Variants in THOC2 observed in about 807,000 individuals in gnomAD.
THOC2 encodes the protein THO complex subunit 2.
In THOC2, 10 loss-of-function variants were observed where a neutral mutation model predicts 128.4. The observed-to-expected ratio is 0.08, with a 90% CI of 0.05 to 0.13. The LOEUF (loss-of-function observed/expected upper bound fraction) is 0.13. THOC2 is among the 10% of genes least tolerant of loss of function. THOC2 has a pLI of 1.00. For missense variants in THOC2, 535 were observed against 1,155.7 expected (o/e 0.46, Z 7.79); for synonymous variants, 393 against 396.9 (o/e 0.99, Z 0.12).
At chrX:123,691,940 AGCTGTTTTTAC>A (rs1048481545) in intron 7 of THOC2, among the ~76,000 whole-genome samples, 6 of 112,014 alleles carry the variant, frequency 5.4e-5, no homozygotes, top group African/African-American at 1.6e-4. Flanking sequence ...TACTATCTAT[AGCTGTTTTTAC>A]GCTGTTTTTA....
intron 33 of THOC2, among the ~76,000 whole-genome samples, chrX:123,616,681 T>G (rs1485110285): frequency 2.7e-5 from 3 of 109,231 alleles, no homozygotes; most frequent in Non-Finnish European, 5.8e-5. Flanking sequence ...TTGTTTTTTT[T>G]TTTTTAACAC....
intron 2 of THOC2, among the ~76,000 whole-genome samples, chrX:123,711,096 A>G (rs1405351101): frequency 9.8e-6 from 1 of 101,626 alleles, no homozygotes; most frequent in Non-Finnish European, 2.0e-5. Flanking sequence ...TTGGCTCACT[A>G]CAGCCTCTGC....
intron 38 of THOC2, among the ~76,000 whole-genome samples, chrX:123,606,437 C>A (rs1009374146): frequency 2.7e-5 from 3 of 109,933 alleles, no homozygotes; most frequent in Non-Finnish European, 5.7e-5. Context: ...ACTGAAAATA[C>A]AAAAAAATTA....
At position 123,610,829 on chromosome X, in the gene THOC2, G is replaced by A. The variant is rs1452137780; in HGVS notation, c.*18+89C>T. On this transcript the variant is annotated intron_variant, in intron 38 of 38. Coordinates refer to ENST00000245838, the MANE Select transcript of THOC2 (RefSeq NM_001081550.2). ...TAGGTGAAAAAAACAAGTAGTTGTAGCTTGTAAAATGCATCTAGTTTTTCA... is the reference window on the plus strand; with the variant it reads ...TAGGTGAAAAAAACAAGTAGTTGTAACTTGTAAAATGCATCTAGTTTTTCA... 4 of 808,650 alleles carry A rather than the reference G, an allele frequency of 4.9e-6. No homozygotes were observed. In the African/African-American group the frequency reaches 6.4e-5, roughly 13 times the overall value. The allele number at this position is 808,650 out of a possible 1,213,427, so 66.6% of individuals were successfully genotyped here.
At chrX:123,672,902 G>A (rs183805924) in intron 8 of THOC2, among the ~76,000 whole-genome samples, 14 of 112,428 alleles carry the variant, frequency 1.2e-4, no homozygotes, top group Non-Finnish European at 1.9e-4. Context: ...TTGTATGTGA[G>A]GTTCCTCCCA....
chrX:123,631,255 G>A (rs998320521), intron 22 of THOC2, among the ~76,000 whole-genome samples: 8 of 112,135 alleles, frequency 7.1e-5, no homozygotes, highest in South Asian at 3.8e-4. Context: ...ACAGTAAGAC[G>A]TTACACAAAG....
At chrX:123,691,829 T>G (rs1477726912) in intron 7 of THOC2, among the ~76,000 whole-genome samples, 1 of 112,667 alleles carries the variant, frequency 8.9e-6, no homozygotes, top group East Asian at 2.8e-4. Flanking sequence ...AACTTTTGAT[T>G]TAGAGCAAGA....
chrX:123,698,624 T>C (rs867614292), intron 4 of THOC2, among the ~76,000 whole-genome samples: 11 of 108,776 alleles, frequency 1.0e-4, no homozygotes, highest in Admixed American at 2.0e-4. Context: ...CCTGTAATCC[T>C]AGCACTTTGG....
At chrX:123,726,870 T>A (rs2089206262) in intron 1 of THOC2, among the ~76,000 whole-genome samples, 1 of 111,900 alleles carries the variant, frequency 8.9e-6, no homozygotes, top group Admixed American at 9.5e-5. Context: ...GCAATTTGTT[T>A]GCATAATAGA....
At chrX:123,730,189 T>G (rs1218034892) in intron 1 of THOC2, among the ~76,000 whole-genome samples, 2 of 110,734 alleles carry the variant, frequency 1.8e-5, no homozygotes, top group African/African-American at 6.6e-5. Context: ...TTTGTTTTTT[T>G]TTTTTTTTTA....
At chrX:123,719,297 T>A (rs777806676) in intron 1 of THOC2, among the ~76,000 whole-genome samples, 1 of 110,362 alleles carries the variant, frequency 9.1e-6, no homozygotes, top group Admixed American at 9.7e-5. Flanking sequence ...TCAAAATCAT[T>A]AATAACTAGG....
At chrX:123,716,541 C>T (rs188601422) in intron 1 of THOC2, among the ~76,000 whole-genome samples, 6 of 110,343 alleles carry the variant, frequency 5.4e-5, no homozygotes, top group Admixed American at 9.7e-5. Flanking sequence ...CTGGCTAACA[C>T]GGTGAATCTC....
intron 12 of THOC2, among the ~76,000 whole-genome samples, chrX:123,656,350 AAAAG>A (rs2048578482): frequency 9.6e-6 from 1 of 103,899 alleles, no homozygotes; most frequent in Non-Finnish European, 2.0e-5. Flanking sequence ...AAAAAAAAAA[AAAAG>A]AGAGAGAGAG....
At position 123,621,505 on chromosome X, in the gene THOC2, G is replaced by T. The variant is rs772379634; in HGVS notation, c.3868C>A (p.Pro1290Thr). The T allele has an allele frequency of 1.9e-5, 23 of 1,203,725 alleles. No homozygotes were observed. In the Admixed American group the frequency reaches 4.0e-4, roughly 21 times the overall value. Residue 1290 changes from proline (P) to threonine (T), a missense_variant, in exon 31 of 39, where the codon CCA becomes ACA. This residue lies in a region of THOC2 where 116 missense variants were observed against 180.0 expected (regional missense o/e 0.64). Transcript: ENST00000245838. ...EKKEKTPATT[P>T]EARVLGKDGK... ...TCTTTACCAAGTACCCTGGCCTCTG[G>T]AGTAGTAGCTGGAGTCTTTTCTTTT...
At chrX:123,721,166 T>G (rs943461855) in intron 1 of THOC2, among the ~76,000 whole-genome samples, 30 of 109,631 alleles carry the variant, frequency 2.7e-4, no homozygotes, top group East Asian at 5.8e-4. Flanking sequence ...TTGTTGCTGG[T>G]TTTTTTTGTT....
chrX:123,702,294 GAATAT>G (rs1191046020), intron 4 of THOC2, among the ~76,000 whole-genome samples: 15 of 109,282 alleles, frequency 1.4e-4, no homozygotes, highest in Admixed American at 4.0e-4. Context: ...TAAATAAAAT[GAATAT>G]AATAATGTTT....
At chrX:123,710,717 C>T (rs957338824) in intron 2 of THOC2, among the ~76,000 whole-genome samples, 9 of 109,832 alleles carry the variant, frequency 8.2e-5, no homozygotes, top group South Asian at 8.0e-4. Context: ...CGGTCGGGCA[C>T]GGTGGCTCAC....
intron 32 of THOC2, chrX:123,619,865 T>C (rs752460984): frequency 1.7e-5 from 2 of 118,395 alleles, no homozygotes; most frequent in Admixed American, 1.8e-4. Flanking sequence ...TTTTACTTTA[T>C]TTTTAACTCT....
chrX:123,626,291 G>A (rs770592593), intron 24 of THOC2, among the ~76,000 whole-genome samples: 11 of 111,719 alleles, frequency 9.8e-5, no homozygotes, highest in Non-Finnish European at 1.9e-4. Flanking sequence ...CAGAAAAGCT[G>A]AATGACAAGC....
Sources: gnomAD v4.1 joint callset for allele counts (sites outside exome capture counted in the v4.1 genomes callset) on GRCh38, gnomAD v4.1.1 for gene constraint, gnomAD v4.1.1 regional missense constraint, MANE v1.5 for transcripts, NCBI Gene and HGNC (gene_info 2026-07-23, HGNC 2026-07-21) for gene names.